UBE2E1: variants seen among roughly 807,000 people sequenced by gnomAD.
UBE2E1 encodes ubiquitin-conjugating enzyme E2 E1.
In UBE2E1, 6 loss-of-function variants were observed where a neutral mutation model predicts 21.4. That is an observed-to-expected ratio of 0.28 (90% CI 0.15 to 0.55). UBE2E1 has a LOEUF of 0.55. UBE2E1 is among the 20% of genes least tolerant of loss of function. The pLI is 0.93. For synonymous variants in UBE2E1, 87 were observed against 82.7 expected, an observed-to-expected ratio of 1.05 and a Z score of -0.28; for missense variants, 142 against 236.5, an observed-to-expected ratio of 0.60 and a Z score of 2.62.
chr3:23,871,588 C>T (rs971707169), intron 3 of UBE2E1, among the ~76,000 whole-genome samples: 13 of 151,152 alleles, frequency 8.6e-5, no homozygotes, highest in African/African-American at 2.2e-4. Context: ...GGGTGGCTGC[C>T]GGGCAGAGAG....
rs139343904 is a variant in UBE2E1 at position 23,818,095 on chromosome 3, A to G, written c.203+6585A>G. Among the ~76,000 whole-genome samples the G allele has an allele frequency of 1.2e-4, 18 of 152,340 alleles. No homozygotes were observed. The East Asian group carries it at 2.3e-3, about 20-fold the overall frequency. On this transcript the variant is annotated intron_variant, in intron 3 of 5. Transcript: ENST00000306627. Reference sequence around the variant, plus strand: ...AGAGAGGTAGAAGACAGTAGAATCCATAGAACTTAGCCACTGATTTCGATA... The same window carrying G: ...AGAGAGGTAGAAGACAGTAGAATCCGTAGAACTTAGCCACTGATTTCGATA...
At chr3:23,875,748 A>G (rs1243077715) in intron 3 of UBE2E1, among the ~76,000 whole-genome samples, 1 of 152,210 alleles carries the variant, frequency 6.6e-6, no homozygotes, top group East Asian at 1.9e-4. Context: ...GTTCCAGTAT[A>G]ACTTCCTTGA....
At chr3:23,815,375 T>G (rs1183370717) in intron 3 of UBE2E1, among the ~76,000 whole-genome samples, 1 of 152,240 alleles carries the variant, frequency 6.6e-6, no homozygotes, top group African/African-American at 2.4e-5. Context: ...TTAAATAGTT[T>G]TAAGCCATTA....
chr3:23,806,910 G>A lies in UBE2E1; in HGVS notation c.-33-327G>A. 5.8e-6 allele frequency: 1 copy of A among 172,846 alleles called. No homozygotes were observed. Among genetic ancestry groups the A allele is most frequent in the Non-Finnish European group, 1.2e-5 (1 of 82,704 alleles). 10.7% of individuals were successfully genotyped at this position (172,846 alleles called of 1,614,324 possible). A position where few individuals can be genotyped will look rare whatever the true frequency, so the allele number is the denominator to read the frequency against. On this transcript the variant is annotated intron_variant, in intron 1 of 5. Coordinates refer to ENST00000306627, the MANE Select transcript of UBE2E1 (RefSeq NM_003341.5). The surrounding 1 kb of genome is among the most constrained non-coding windows in gnomAD (Gnocchi z 6.5). ...CGGGACCTTCCCTCCCTGCCCCGCC[G>A]TGGCGCCCCGCGCCCCCCGCCCTGC... is the stretch of plus-strand genomic sequence containing the variant.
chr3:23,879,555 T>C (rs1394431414), intron 3 of UBE2E1: 2 of 312,408 alleles, frequency 6.4e-6, no homozygotes, highest in South Asian at 3.5e-5. Context: ...CTTTAGAACT[T>C]CTCTTCGTAG....
intron 3 of UBE2E1, among the ~76,000 whole-genome samples, chr3:23,827,823 C>G (rs1344215826): frequency 6.6e-6 from 1 of 152,126 alleles, no homozygotes; most frequent in East Asian, 1.9e-4. Flanking sequence ...AATCTAAGGT[C>G]CTAACTGCCC....
intron 3 of UBE2E1, among the ~76,000 whole-genome samples, chr3:23,868,165 CAT>C (rs1700697057): frequency 6.6e-6 from 1 of 152,290 alleles, no homozygotes; most frequent in East Asian, 1.9e-4. Flanking sequence ...TTAAATGAAA[CAT>C]ACATTCGAAT....
At chr3:23,857,770 C>T (rs974588005) in intron 3 of UBE2E1, among the ~76,000 whole-genome samples, 8 of 152,170 alleles carry the variant, frequency 5.3e-5, no homozygotes, top group South Asian at 2.1e-4. Flanking sequence ...TGGTTCCCAG[C>T]GTGTGCTCCT....
chr3:23,885,801 A>G (rs1701167899), intron 3 of UBE2E1, among the ~76,000 whole-genome samples: 2 of 152,214 alleles, frequency 1.3e-5, no homozygotes, highest in Non-Finnish European at 2.9e-5. Flanking sequence ...CGGAGGTTGC[A>G]TTGAGCCGAG....
rs1208678276 is a variant in UBE2E1 at position 23,842,238 on chromosome 3, TGTGTGTGTGTG to T, written c.203+30733_203+30743del. Among the ~76,000 whole-genome samples the T allele has an allele frequency of 2.2e-4, 17 of 75,592 alleles. No individual in the cohort carries two copies. In the South Asian group the frequency reaches 5.5e-3, roughly 24 times the overall value. The allele number at this position is 75,592 out of a possible 152,430, so 49.6% of individuals were successfully genotyped here. ...GTGTGTGTGTGTGTGTGTGTGTGTG[TGTGTGTGTGTG>T]GTGTTGTTGTTGTTGGCGACAGGGT... On this transcript the variant is annotated intron_variant, in intron 3 of 5. Transcript: ENST00000306627. The surrounding 1 kb of genome is among the most constrained non-coding windows in gnomAD (Gnocchi z 4.6).
rs371000148 is a variant in UBE2E1, at chr3:23,891,302, AC to A, written c.*698del. On this transcript the variant is annotated 3_prime_UTR_variant, in exon 6 of 6. Transcript: ENST00000306627. ...ACTGTGCTAATAAACAATATTAAAA[AC>A]CACCTAATAAACACTGCTGTGTTCA... 1.3e-5 allele frequency: 2 copies of A among 152,096 alleles called. No homozygotes were observed. The highest frequency in any genetic ancestry group is 4.8e-5 in the African/African-American group (2 of 41,406). 9.4% of individuals were successfully genotyped at this position (152,096 alleles called of 1,614,324 possible).
chr3:23,861,054 A>AT (rs1336558688), intron 3 of UBE2E1, among the ~76,000 whole-genome samples: 1 of 152,244 alleles, frequency 6.6e-6, no homozygotes, highest in Non-Finnish European at 1.5e-5. Context: ...TACCGCAGGG[A>AT]GACTGCACAG....
chr3:23,812,634 C>T (rs2125280467), intron 3 of UBE2E1, among the ~76,000 whole-genome samples: 1 of 152,320 alleles, frequency 6.6e-6, no homozygotes, highest in South Asian at 2.1e-4. Flanking sequence ...GTTTGAAATG[C>T]TCTTAAACTA....
chr3:23,830,423 G>A (rs77724171), intron 3 of UBE2E1, among the ~76,000 whole-genome samples: 1 of 98,740 alleles, frequency 1.0e-5, no homozygotes. Flanking sequence ...TCATTTTTTT[G>A]TTTTTGTTTT....
intron 3 of UBE2E1, among the ~76,000 whole-genome samples, chr3:23,820,573 A>G (rs1460069147): frequency 6.6e-6 from 1 of 151,508 alleles, no homozygotes. Flanking sequence ...TTGTTCACTA[A>G]TACTTTTAAC....
chr3:23,882,157 A>C (rs1463605341), intron 3 of UBE2E1, among the ~76,000 whole-genome samples: 1 of 152,196 alleles, frequency 6.6e-6, no homozygotes, highest in Admixed American at 6.5e-5. Flanking sequence ...TGGCTCTGGC[A>C]GCCTGCTTTT....
intron 3 of UBE2E1, among the ~76,000 whole-genome samples, chr3:23,815,023 T>C (rs1699484158): frequency 6.6e-6 from 1 of 152,146 alleles, no homozygotes. Flanking sequence ...AGGGTCTCAT[T>C]TTGTCACCCA....
intron 3 of UBE2E1, among the ~76,000 whole-genome samples, chr3:23,829,669 G>C (rs1417376024): frequency 6.6e-6 from 1 of 152,170 alleles, no homozygotes; most frequent in East Asian, 1.9e-4. Flanking sequence ...AAAAGGTTGA[G>C]GTCGAGCTAA....
At chr3:23,809,697 CA>C (rs1699344826) in intron 2 of UBE2E1, among the ~76,000 whole-genome samples, 1 of 152,116 alleles carries the variant, frequency 6.6e-6, no homozygotes, top group African/African-American at 2.4e-5. Context: ...GTTGGGTTGG[CA>C]AGGAGGACTG....
Sources: allele counts gnomAD v4.1 joint callset (sites outside exome capture counted in the v4.1 genomes callset), GRCh38; gene constraint gnomAD v4.1.1; non-coding constraint Gnocchi (gnomAD v3.1); transcripts MANE v1.5; gene names NCBI Gene and HGNC (gene_info 2026-07-23, HGNC 2026-07-21).